PCDHA7: variants seen among roughly 807,000 people sequenced by gnomAD.
PCDHA7 encodes protocadherin alpha-7.
PCDHA7 carries 37 observed loss-of-function variants against 57.2 expected under a neutral mutation model. The ratio of observed to expected loss-of-function variants is 0.65; its 90% CI spans 0.50 to 0.85. The LOEUF is 0.85. Ranked by LOEUF, PCDHA7 falls within the 40% of genes least tolerant of loss-of-function variation. The pLI is 0.00. For missense variants in PCDHA7, 1,188 were observed against 1,241.8 expected (o/e 0.96, Z 0.65); for synonymous variants, 553 against 558.8 (o/e 0.99, Z 0.15).
intron 2 of PCDHA7, among the ~76,000 whole-genome samples, chr5:140,981,011 T>C (rs1363062809): frequency 6.6e-6 from 1 of 152,132 alleles, no homozygotes; most frequent in African/African-American, 2.4e-5. Flanking sequence ...CCAGGAACAC[T>C]TGAAGGCTGT....
intron 1 of PCDHA7, among the ~76,000 whole-genome samples, chr5:140,899,225 A>G (rs1479429839): frequency 6.6e-6 from 1 of 152,038 alleles, no homozygotes; most frequent in African/African-American, 2.4e-5. Flanking sequence ...TTCCAACACT[A>G]TGTTGAATAG....
Position 140,835,792 on chromosome 5 carries a change from C to T in PCDHA7, c.1409C>T (p.Pro470Leu). Residue 470 changes from proline to leucine, a missense_variant, in exon 1 of 4, where the codon CCG becomes CTG. Around this residue, in one of 3 missense-constraint regions of PCDHA7, gnomAD observed 892 missense variants for 788.5 expected, o/e 1.13. Coordinates refer to ENST00000525929, the MANE Select transcript of PCDHA7 (RefSeq NM_018910.3). ...YTVFVKENNP[P>L]GCHIFTVSAG... ...GTGTTCGTGAAGGAGAACAACCCGC[C>T]GGGCTGCCACATCTTCACTGTGTCG... is the stretch of plus-strand genomic sequence containing the variant. 6 of 1,613,122 alleles carry T rather than the reference C, an allele frequency of 3.7e-6. No homozygotes were observed. The highest frequency in any genetic ancestry group is 1.3e-5 in the African/African-American group (1 of 75,026).
rs781892034 is a variant in PCDHA7, at chr5:140,968,314, G to A, written c.2356-10635G>A. ...TTCTGGAGAGGGAGATTCAAGGGCT[G>A]CCAGTCACCTCCTATGTCTCCATTA... On this transcript the variant is annotated intron_variant, in intron 1 of 3. Transcript: ENST00000525929. The A allele has an allele frequency of 2.5e-6, 4 of 1,613,960 alleles. No individual in the cohort carries two copies. The South Asian group carries it at 4.4e-5, about 18-fold the overall frequency.
At chr5:141,006,035 G>T (rs529655038) in intron 3 of PCDHA7, among the ~76,000 whole-genome samples, 7 of 151,222 alleles carry the variant, frequency 4.6e-5, no homozygotes, top group Admixed American at 2.0e-4. Flanking sequence ...GTAAGAGGGA[G>T]ATTTGTAGAT....
intron 1 of PCDHA7, chr5:140,969,344 T>G: frequency 6.2e-7 from 1 of 1,613,664 alleles, no homozygotes; most frequent in Non-Finnish European, 8.5e-7. Context: ...GAGACAGTGG[T>G]CAGGGGGTCT....
At chr5:140,870,439 G>A (rs374343977) in intron 1 of PCDHA7, 5 of 1,614,126 alleles carry the variant, frequency 3.1e-6, no homozygotes, top group African/African-American at 2.7e-5. Flanking sequence ...GGAGGTGGCC[G>A]ACGTGAACGA....
At chr5:140,843,312 C>T (rs2150357141) in intron 1 of PCDHA7, 1 of 1,596,048 alleles carries the variant, frequency 6.3e-7, no homozygotes, top group Non-Finnish European at 8.6e-7. Context: ...GCCACGGCCA[C>T]GGTTCTGGTG....
chr5:140,942,511 CAG>C (rs574477918), intron 1 of PCDHA7, among the ~76,000 whole-genome samples: 21 of 151,458 alleles, frequency 1.4e-4, no homozygotes, highest in Non-Finnish European at 2.8e-4. Flanking sequence ...CTAGGAAACT[CAG>C]AGGGGAAGCA....
chr5:140,977,429 C>T (rs143756065), intron 1 of PCDHA7, among the ~76,000 whole-genome samples: 9 of 152,228 alleles, frequency 5.9e-5, no homozygotes, highest in South Asian at 2.1e-4. Context: ...CCTCTAACAC[C>T]GCTAGTAGAT....
chr5:140,926,943 T>C (rs2083677139), intron 1 of PCDHA7: 1 of 1,587,096 alleles, frequency 6.3e-7, no homozygotes, highest in Non-Finnish European at 8.6e-7. Context: ...CCTGCGGCGC[T>C]GCAGCGGGAC....
intron 1 of PCDHA7, chr5:140,968,523 A>G (rs1441549667): frequency 8.1e-6 from 13 of 1,613,762 alleles, no homozygotes; most frequent in African/African-American, 1.3e-5. Flanking sequence ...ACCTCAACCA[A>G]CTCGTCAGCA....
At chr5:140,966,678 C>G (rs2096036369) in intron 1 of PCDHA7, 8 of 1,313,236 alleles carry the variant, frequency 6.1e-6, no homozygotes, top group Non-Finnish European at 2.9e-6. Context: ...CAGGGTGGCA[C>G]GAGCGGAGGC....
Position 140,836,080 on chromosome 5 carries a change from T to C in PCDHA7, c.1697T>C (p.Leu566Pro), listed in dbSNP as rs1470495662. ...LDENDNAPAL[L>P]APRVGGTGGA... The stretch of plus-strand genomic sequence containing the variant: ...GAGAACGACAACGCGCCGGCACTGC[T>C]GGCGCCTCGGGTGGGTGGCACTGGT... Residue 566 changes from leucine to proline, a missense_variant, in exon 1 of 4, where the codon CTG becomes CCG. By Grantham distance (98) the Leu-to-Pro change is moderately conservative (BLOSUM62 -3). Around this residue, in one of 3 missense-constraint regions of PCDHA7, gnomAD observed 892 missense variants for 788.5 expected, o/e 1.13. Transcript: ENST00000525929. 12 of 1,613,584 alleles carry C rather than the reference T, an allele frequency of 7.4e-6. No homozygotes were observed. The highest frequency in any genetic ancestry group is 1.3e-5 in the African/African-American group (1 of 74,904).
At chr5:140,887,253 C>T (rs1045921651) in intron 1 of PCDHA7, among the ~76,000 whole-genome samples, 3 of 151,962 alleles carry the variant, frequency 2.0e-5, no homozygotes, top group Admixed American at 6.6e-5. Flanking sequence ...CCCGCCACCA[C>T]GCCCTGCTAA....
intron 1 of PCDHA7, among the ~76,000 whole-genome samples, chr5:140,950,569 T>C (rs969438550): frequency 1.3e-5 from 2 of 152,120 alleles, no homozygotes; most frequent in African/African-American, 2.4e-5. Context: ...TATTTTAAGG[T>C]TTTCTACTTA....
At chr5:140,937,944 G>T (rs2091858064) in intron 1 of PCDHA7, among the ~76,000 whole-genome samples, 1 of 151,532 alleles carries the variant, frequency 6.6e-6, no homozygotes. Flanking sequence ...TTTGATAATT[G>T]GCTTTTGTTG....
intron 3 of PCDHA7, among the ~76,000 whole-genome samples, chr5:140,996,041 C>T (rs2097709262): frequency 6.6e-6 from 1 of 152,224 alleles, no homozygotes; most frequent in African/African-American, 2.4e-5. Context: ...TAGCACTTAA[C>T]ACAGTGCTTG....
chr5:141,006,525 T>G (rs1366958955), intron 3 of PCDHA7, among the ~76,000 whole-genome samples: 1 of 152,108 alleles, frequency 6.6e-6, no homozygotes, highest in African/African-American at 2.4e-5. Context: ...TATACATCAG[T>G]TTTTAAAGAG....
intron 3 of PCDHA7, among the ~76,000 whole-genome samples, chr5:140,985,288 A>G (rs1007960248): frequency 1.3e-5 from 2 of 152,112 alleles, no homozygotes; most frequent in African/African-American, 4.8e-5. Flanking sequence ...AATCTATGAT[A>G]TAGTGTTGGC....
Sources: gnomAD v4.1 joint callset for allele counts (sites outside exome capture counted in the v4.1 genomes callset) on GRCh38, gnomAD v4.1.1 for gene constraint, gnomAD v4.1.1 regional missense constraint, MANE v1.5 for transcripts, NCBI Gene and HGNC (gene_info 2026-07-23, HGNC 2026-07-21) for gene names.